Variants in ADNP observed in about 807,000 individuals in gnomAD.
The protein encoded by ADNP is activity dependent neuroprotector homeobox.
A neutral mutation model predicts 84.9 loss-of-function variants in ADNP; 4 were observed. The ratio of observed to expected loss-of-function variants is 0.05; its 90% CI spans 0.02 to 0.11. The LOEUF (loss-of-function observed/expected upper bound fraction) is 0.11. Among genes scored for constraint, ADNP ranks in the 10% least tolerant of loss-of-function variants. The probability of loss-of-function intolerance (pLI) is 1.00; values close to 1 mark genes in which losing one functional copy is unlikely to be tolerated. For synonymous variants in ADNP, 554 were observed against 468.1 expected (o/e 1.18, Z -2.37); for missense variants, 1,132 against 1,326.0 (o/e 0.85, Z 2.27).
chr20:50,924,750 T>A (rs2122997205), intron 2 of ADNP, among the ~76,000 whole-genome samples: 1 of 152,302 alleles, frequency 6.6e-6, no homozygotes, highest in South Asian at 2.1e-4. Context: ...AACCCACAGC[T>A]AAGTGACTCA....
Position 50,898,476 on chromosome 20 carries a change from G to C in ADNP, c.201+3541C>G, listed in dbSNP as rs1391068388. ...TGTGTGTCTGATAAAGGCCCTTCTT[G>C]AATTTTTGTTAGTCTCATTGCCTTC... is the stretch of plus-strand genomic sequence containing the variant. On this transcript the variant is annotated intron_variant, in intron 5 of 5. Transcript: ENST00000621696. Among the ~76,000 whole-genome samples the C allele has an allele frequency of 3.3e-5, 5 of 152,282 alleles. No individual in the cohort carries two copies. The South Asian group carries it at 8.3e-4, about 25-fold the overall frequency.
intron 5 of ADNP, among the ~76,000 whole-genome samples, chr20:50,895,125 T>C (rs931735967): frequency 2.0e-5 from 3 of 152,168 alleles, no homozygotes; most frequent in African/African-American, 7.2e-5. Flanking sequence ...ATAACCTAAA[T>C]GAAGGAAGTT....
At chr20:50,919,289 GTGTATATATATATATATA>G (rs758981324) in intron 2 of ADNP, among the ~76,000 whole-genome samples, 5,443 of 64,694 alleles carry the variant, frequency 0.084, 389 homozygotes, top group African/African-American at 0.2. Flanking sequence ...ATATATTTAA[GTGTATATATATATATATA>G]TATATATATG....
chr20:50,926,687 T>C (rs567646391), intron 2 of ADNP, among the ~76,000 whole-genome samples: 1 of 152,216 alleles, frequency 6.6e-6, no homozygotes, highest in African/African-American at 2.4e-5. Context: ...ATATTTTATA[T>C]GTATGTGTAC....
intron 2 of ADNP, among the ~76,000 whole-genome samples, chr20:50,927,504 A>G (rs1052577098): frequency 6.6e-6 from 1 of 152,172 alleles, no homozygotes; most frequent in African/African-American, 2.4e-5. Flanking sequence ...ACTATACTTT[A>G]ATGAAGTATA....
chr20:50,928,714 G>A lies in ADNP; in HGVS notation c.-153C>T, dbSNP rs1175275365. 1 of 152,228 alleles carries A rather than the reference G, an allele frequency of 6.6e-6. No homozygotes were observed. The highest frequency in any genetic ancestry group is 2.4e-5 in the African/African-American group (1 of 41,444). 9.4% of individuals were successfully genotyped at this position (152,228 alleles called of 1,614,324 possible). On this transcript the variant is annotated 5_prime_UTR_variant, in exon 2 of 6. Coordinates refer to ENST00000621696, the MANE Select transcript of ADNP (RefSeq NM_001282531.3). ...GAAACGGAGTCCAGATCCTCAAAAT[G>A]GTAGTACAGGGCATAACCACTAGGC...
chr20:50,905,507 T>A (rs936028391), intron 2 of ADNP: 1 of 152,018 alleles, frequency 6.6e-6, no homozygotes, highest in Admixed American at 6.6e-5. Flanking sequence ...TATAAAAAAA[T>A]GGAAAATAAA....
chr20:50,921,768 G>A (rs781442214), intron 2 of ADNP, among the ~76,000 whole-genome samples: 8 of 152,204 alleles, frequency 5.3e-5, no homozygotes, highest in African/African-American at 1.2e-4. Flanking sequence ...CTGGCCCCCC[G>A]ACCCTTCATC....
intron 5 of ADNP, among the ~76,000 whole-genome samples, chr20:50,898,666 C>A (rs1174168432): frequency 6.6e-6 from 1 of 152,146 alleles, no homozygotes; most frequent in African/African-American, 2.4e-5. Flanking sequence ...CTCAACATGG[C>A]CCCTTACTGG....
rs1286375030 is a variant in ADNP at position 50,893,709 on chromosome 20, T to C, written c.1005A>G (p.Lys335=). Residue 335 remains lysine (K), a synonymous_variant, in exon 6 of 6, where the codon AAA becomes AAG. Coordinates refer to ENST00000621696, the MANE Select transcript of ADNP (RefSeq NM_001282531.3). This position sits in a 1 kb window ranked among gnomAD's most constrained non-coding sequence, Gnocchi z 4.4. The part of the protein sequence containing the change: ...VHLQQNNYGV[K]SVGQGYSVGQ... ...CAACACTGTAACCCTGGCCTACAGA[T>C]TTGACTCCATAGTTGTTCTGCTGCA... is the stretch of plus-strand genomic sequence containing the variant. 2.5e-6 allele frequency: 4 copies of C among 1,614,034 alleles called. No homozygotes were observed. Among genetic ancestry groups the C allele is most frequent in the African/African-American group, 1.3e-5 (1 of 74,936 alleles).
chr20:50,913,785 GAGGAGGTGA>G (rs1275412314), intron 2 of ADNP: 5 of 471,078 alleles, frequency 1.1e-5, no homozygotes, highest in South Asian at 2.2e-5. Context: ...AGGGAAGCTG[GAGGAGGTGA>G]AGGAGAGGAT....
intron 2 of ADNP, among the ~76,000 whole-genome samples, chr20:50,907,905 T>C (rs1982646272): frequency 6.6e-6 from 1 of 152,172 alleles, no homozygotes. Context: ...GCCAGGAATG[T>C]ATGTTCACAT....
Position 50,903,874 on chromosome 20 carries a change from T to C in ADNP, c.108+15A>G. 2 of 1,581,586 alleles carry C rather than the reference T, an allele frequency of 1.3e-6. No individual in the cohort carries two copies. Among genetic ancestry groups the C allele is most frequent in the Non-Finnish European group, 1.7e-6 (2 of 1,154,768 alleles). Reference sequence around the variant, plus strand: ...GCTGAGTCATGTTAAAATTTAAAAATGACATGCTACTTACTTCTATATGTT... The same window carrying C: ...GCTGAGTCATGTTAAAATTTAAAAACGACATGCTACTTACTTCTATATGTT... On this transcript the variant is annotated intron_variant, in intron 4 of 5. Transcript: ENST00000621696.
rs1422233366 is a variant in ADNP at position 50,891,441 on chromosome 20, G to A, written c.3273C>T (p.Ser1091=). 4.3e-6 allele frequency: 7 copies of A among 1,612,058 alleles called. No homozygotes were observed. In the East Asian group the frequency reaches 1.6e-4, roughly 36 times the overall value. The change falls in exon 6 of 6, where the codon AGC becomes AGT. Residue 1091 remains serine (S), a synonymous_variant. Transcript: ENST00000621696. The part of the protein sequence containing the change: ...TDGVAEPMHG[S]LAGVKLSSQQ... ...GGCTGCTCAGTTTAACTCCGGCTAA[G>A]CTGCCATGCATGGGCTCAGCTACTC...
At chr20:50,917,802 T>C (rs997461492) in intron 2 of ADNP, among the ~76,000 whole-genome samples, 1 of 152,094 alleles carries the variant, frequency 6.6e-6, no homozygotes, top group African/African-American at 2.4e-5. Context: ...ACCCCCAAAA[T>C]AGGAACAACT....
chr20:50,891,543 T>G lies in ADNP; in HGVS notation c.3171A>C (p.Leu1057Phe), dbSNP rs1600926101. The G allele has an allele frequency of 6.2e-7, 1 of 1,611,996 alleles. No homozygotes were observed. The highest frequency in any genetic ancestry group is 1.3e-5 in the African/African-American group (1 of 74,958). The change falls in exon 6 of 6, where the codon TTA becomes TTC. Residue 1057 changes from leucine to phenylalanine, a missense_variant. Around this residue, in one of 10 missense-constraint regions of ADNP, gnomAD observed 381 missense variants for 319.9 expected, o/e 1.19. Coordinates refer to ENST00000621696, the MANE Select transcript of ADNP (RefSeq NM_001282531.3). ...WKNASENDERLSNPQIEWQNS... is the reference protein window; with the variant it reads ...WKNASENDERFSNPQIEWQNS... ...TCTGCCACTCAATCTGGGGGTTAGA[T>G]AAGCGCTCATCATTCTCAGATGCAT...
intron 1 of ADNP, among the ~76,000 whole-genome samples, chr20:50,929,191 C>T (rs1479250831): frequency 2.0e-5 from 3 of 152,224 alleles, no homozygotes; most frequent in Admixed American, 6.5e-5. Flanking sequence ...TTGTTTCAAA[C>T]CTTCTCCTTT....
At chr20:50,921,767 C>T (rs1449045508) in intron 2 of ADNP, among the ~76,000 whole-genome samples, 2 of 152,166 alleles carry the variant, frequency 1.3e-5, no homozygotes, top group African/African-American at 4.8e-5. Context: ...TCTGGCCCCC[C>T]GACCCTTCAT....
At chr20:50,906,148 G>A (rs766370327) in intron 2 of ADNP, among the ~76,000 whole-genome samples, 2 of 152,164 alleles carry the variant, frequency 1.3e-5, no homozygotes, top group African/African-American at 4.8e-5. Flanking sequence ...GGAGGCAGAG[G>A]TTGCAGTGAG....
Sources: gnomAD v4.1 joint callset for allele counts (sites outside exome capture counted in the v4.1 genomes callset) on GRCh38, gnomAD v4.1.1 for gene constraint, gnomAD v4.1.1 regional missense constraint, Gnocchi (gnomAD v3.1) non-coding constraint, MANE v1.5 for transcripts, NCBI Gene and HGNC (gene_info 2026-07-23, HGNC 2026-07-21) for gene names.